ATE1: variants seen among roughly 807,000 people sequenced by gnomAD.
ATE1 encodes arginyltransferase 1.
Under a neutral mutation model 70.5 loss-of-function variants are expected in ATE1, and 36 were observed. The observed-to-expected ratio is 0.51, with a 90% CI of 0.39 to 0.67. ATE1 has a LOEUF of 0.67. Ranked by LOEUF, ATE1 falls within the 30% of genes least tolerant of loss-of-function variation. The pLI, the probability that ATE1 is intolerant of heterozygous loss-of-function variation, is 0.00. For missense variants in ATE1, 593 were observed against 629.5 expected (o/e 0.94, Z 0.62); for synonymous variants, 232 against 219.3 (o/e 1.06, Z -0.51).
At chr10:121,834,052 A>C (rs1948346279) in intron 10 of ATE1, among the ~76,000 whole-genome samples, 1 of 152,214 alleles carries the variant, frequency 6.6e-6, no homozygotes, top group African/African-American at 2.4e-5. Flanking sequence ...CGACTGCAGC[A>C]ACTAAAGGCT....
rs559798416 is a variant in ATE1 at position 121,919,768 on chromosome 10, G to A, written c.233+2581C>T. 8.6e-5 allele frequency among the ~76,000 whole-genome samples: 13 copies of A among 151,972 alleles called. 1 individual carries two copies. Among genetic ancestry groups the A allele is most frequent in the African/African-American group, 3.1e-4 (13 of 41,446 alleles). Reference sequence around the variant, plus strand: ...CAAAAATTAACCAGGCCTAGCGGTGGGCATCTGTAGTCCCGGATACTCAGG... The same window carrying A: ...CAAAAATTAACCAGGCCTAGCGGTGAGCATCTGTAGTCCCGGATACTCAGG... On this transcript the variant is annotated intron_variant, in intron 3 of 11. Transcript: ENST00000224652.
chr10:121,769,210 G>A (rs1945401488), intron 11 of ATE1, among the ~76,000 whole-genome samples: 1 of 152,096 alleles, frequency 6.6e-6, no homozygotes, highest in Non-Finnish European at 1.5e-5. Flanking sequence ...ATAAATACAT[G>A]GAAGAGAATA....
At chr10:121,824,162 A>G (rs1469518794) in intron 10 of ATE1, among the ~76,000 whole-genome samples, 1 of 152,116 alleles carries the variant, frequency 6.6e-6, no homozygotes, top group Non-Finnish European at 1.5e-5. Context: ...TCCTGTGGTA[A>G]TTTTTCTCAC....
rs191675284 is a variant in ATE1 at position 121,891,565 on chromosome 10, C to T, written c.942+8301G>A. Among the ~76,000 whole-genome samples the T allele has an allele frequency of 2.5e-3, 388 of 152,214 alleles. 3 individuals carry two copies. The highest frequency in any genetic ancestry group is 3.7e-3 in the Non-Finnish European group (253 of 68,020). On this transcript the variant is annotated intron_variant, in intron 7 of 11. Coordinates refer to ENST00000224652, the MANE Select transcript of ATE1 (RefSeq NM_001001976.3). Reference sequence around the variant, plus strand: ...TGCTTTTTATTAAAGGAAAATTCCACGGAGAACTTTTACCCTTTCTAGCTG... The same window carrying T: ...TGCTTTTTATTAAAGGAAAATTCCATGGAGAACTTTTACCCTTTCTAGCTG...
rs752801485 is a variant in ATE1 at position 121,740,764 on chromosome 10, C to T, written c.*2916G>A. 1.5e-4 allele frequency: 23 copies of T among 151,902 alleles called. No individual in the cohort carries two copies. The highest frequency in any genetic ancestry group is 3.1e-4 in the Non-Finnish European group (21 of 67,978). 9.4% of individuals were successfully genotyped at this position (151,902 alleles called of 1,614,324 possible). On this transcript the variant is annotated 3_prime_UTR_variant, in exon 12 of 12. Transcript: ENST00000224652. Reference sequence around the variant, plus strand: ...TTCTTTTACATAATAGATTCTGACACGTTAAGAAACTACACACAACAAATA... The same window carrying T: ...TTCTTTTACATAATAGATTCTGACATGTTAAGAAACTACACACAACAAATA...
intron 3 of ATE1, among the ~76,000 whole-genome samples, chr10:121,921,803 T>C (rs531660891): frequency 6.6e-6 from 1 of 152,268 alleles, no homozygotes; most frequent in East Asian, 1.9e-4. Context: ...TGTATAAAAG[T>C]CTTTGTTCCG....
At chr10:121,793,453 G>T (rs1311011535) in intron 10 of ATE1, among the ~76,000 whole-genome samples, 1 of 152,138 alleles carries the variant, frequency 6.6e-6, no homozygotes, top group Non-Finnish European at 1.5e-5. Context: ...ACTTTCCACA[G>T]AAGTTGTGCC....
At chr10:121,751,679 A>G (rs2935701) in intron 11 of ATE1, among the ~76,000 whole-genome samples, 140,876 of 152,254 alleles carry the variant, frequency 0.93, 65,528 homozygotes, top group Non-Finnish European at 0.97. Flanking sequence ...AGTTGTCAGA[A>G]TTCTTTACAT....
intron 10 of ATE1, among the ~76,000 whole-genome samples, chr10:121,833,344 G>A (rs1351992887): frequency 6.6e-6 from 1 of 150,686 alleles, no homozygotes; most frequent in Non-Finnish European, 1.5e-5. Flanking sequence ...CTACATACTC[G>A]TCAGCTCTCT....
At chr10:121,910,656 T>C (rs1951384664) in intron 5 of ATE1, among the ~76,000 whole-genome samples, 1 of 151,968 alleles carries the variant, frequency 6.6e-6, no homozygotes, top group Non-Finnish European at 1.5e-5. Flanking sequence ...AAGTAGTAAG[T>C]AGAAATGGAA....
chr10:121,873,350 C>T (rs964454186), intron 7 of ATE1, among the ~76,000 whole-genome samples: 2 of 152,110 alleles, frequency 1.3e-5, no homozygotes, highest in African/African-American at 4.8e-5. Flanking sequence ...AAAAAGGATA[C>T]ACACAGACAG....
intron 7 of ATE1, among the ~76,000 whole-genome samples, chr10:121,897,583 C>T (rs922299767): frequency 6.6e-6 from 1 of 152,134 alleles, no homozygotes; most frequent in Admixed American, 6.6e-5. Flanking sequence ...AATCCCAGCA[C>T]TCTGGGAGGC....
chr10:121,782,952 C>T (rs565359154), intron 11 of ATE1, among the ~76,000 whole-genome samples: 20 of 152,148 alleles, frequency 1.3e-4, no homozygotes, highest in African/African-American at 2.2e-4. Flanking sequence ...AGCCTGCAGA[C>T]GGCCTACTGT....
At chr10:121,848,737 CCT>C (rs1948940822) in intron 8 of ATE1, among the ~76,000 whole-genome samples, 1 of 113,582 alleles carries the variant, frequency 8.8e-6, no homozygotes, top group Non-Finnish European at 2.0e-5. Context: ...TTGGTGAAAC[CCT>C]GTCTCTACTA....
chr10:121,793,098 A>G (rs1482017804), intron 10 of ATE1, among the ~76,000 whole-genome samples: 4 of 152,318 alleles, frequency 2.6e-5, no homozygotes, highest in Non-Finnish European at 5.9e-5. Context: ...CATTTTTTTA[A>G]AAAAGGCAAA....
chr10:121,764,658 C>T (rs917973082), intron 11 of ATE1, among the ~76,000 whole-genome samples: 8 of 152,054 alleles, frequency 5.3e-5, no homozygotes, highest in Non-Finnish European at 4.4e-5. Flanking sequence ...AATTTAAAAT[C>T]GGTTACACAG....
intron 10 of ATE1, among the ~76,000 whole-genome samples, chr10:121,832,652 T>C (rs1948286083): frequency 6.6e-6 from 1 of 152,236 alleles, no homozygotes; most frequent in Non-Finnish European, 1.5e-5. Flanking sequence ...GAAGTGTCTT[T>C]TACCTCCCCA....
chr10:121,851,599 G>A (rs1200589454), intron 8 of ATE1, among the ~76,000 whole-genome samples: 2 of 152,046 alleles, frequency 1.3e-5, no homozygotes, highest in Non-Finnish European at 2.9e-5. Flanking sequence ...TGTTTTTTGA[G>A]ATGGAGTCTA....
chr10:121,802,314 CTTT>C (rs11354853), intron 10 of ATE1, among the ~76,000 whole-genome samples: 2 of 146,404 alleles, frequency 1.4e-5, no homozygotes, highest in African/African-American at 5.0e-5. Context: ...GTCTACTCCA[CTTT>C]TTTTTTTTTT....
Sources: gnomAD v4.1 joint callset for allele counts (sites outside exome capture counted in the v4.1 genomes callset) on GRCh38, gnomAD v4.1.1 for gene constraint, MANE v1.5 for transcripts, NCBI Gene and HGNC (gene_info 2026-07-23, HGNC 2026-07-21) for gene names.